ALOX5: variants seen among roughly 807,000 people sequenced by gnomAD.
ALOX5 encodes polyunsaturated fatty acid 5-lipoxygenase.
Under a neutral mutation model 87.9 loss-of-function variants are expected in ALOX5, and 64 were observed. The observed-to-expected ratio is 0.73, with a 90% CI of 0.60 to 0.90. The LOEUF (loss-of-function observed/expected upper bound fraction) is 0.90. ALOX5 is among the 40% of genes least tolerant of loss of function. The pLI is 0.00. For synonymous variants in ALOX5, 388 were observed against 355.1 expected (o/e 1.09, Z -1.04); for missense variants, 822 against 907.5 (o/e 0.91, Z 1.21).
At chr10:45,426,413 G>A (rs572010215) in intron 6 of ALOX5, among the ~76,000 whole-genome samples, 9 of 152,216 alleles carry the variant, frequency 5.9e-5, no homozygotes, top group East Asian at 1.9e-4. Context: ...ACACTGCCCC[G>A]TCTAATACAC....
intron 9 of ALOX5, 43 bp downstream of exon 9, chr10:45,441,473 C>T (rs1005253427): frequency 4.4e-6 from 7 of 1,580,360 alleles, no homozygotes; most frequent in Non-Finnish European, 6.1e-6. Flanking sequence ...AAGAGCCCAG[C>T]CTGGCCGCCT....
chr10:45,435,548 T>G (rs937657413), intron 7 of ALOX5, among the ~76,000 whole-genome samples: 2 of 152,238 alleles, frequency 1.3e-5, no homozygotes, highest in Non-Finnish European at 2.9e-5. Flanking sequence ...GTTAATTCAC[T>G]TAAGATTATG....
At chr10:45,375,835 C>G (rs552867402) in intron 1 of ALOX5, among the ~76,000 whole-genome samples, 1 of 152,210 alleles carries the variant, frequency 6.6e-6, no homozygotes, top group Non-Finnish European at 1.5e-5. Flanking sequence ...TTGCCCCAGT[C>G]GGGGAACTGA....
intron 2 of ALOX5, among the ~76,000 whole-genome samples, chr10:45,393,753 A>C (rs1239054367): frequency 2.0e-5 from 3 of 152,266 alleles, no homozygotes; most frequent in African/African-American, 7.2e-5. Context: ...CAACTTCAGC[A>C]AAGTCTCAGG....
At chr10:45,401,824 C>T (rs1042538630) in intron 3 of ALOX5, among the ~76,000 whole-genome samples, 10 of 152,082 alleles carry the variant, frequency 6.6e-5, no homozygotes, top group Admixed American at 6.5e-4. Context: ...CAAATTTCTC[C>T]TCAAAAATCT....
intron 7 of ALOX5, among the ~76,000 whole-genome samples, chr10:45,437,623 A>G (rs1463589783): frequency 1.3e-5 from 2 of 152,238 alleles, no homozygotes; most frequent in Non-Finnish European, 2.9e-5. Context: ...GGCATGTCCC[A>G]GCTTGCAGCC....
At chr10:45,394,597 G>T (rs371297791) in intron 2 of ALOX5, among the ~76,000 whole-genome samples, 6 of 152,040 alleles carry the variant, frequency 3.9e-5, no homozygotes, top group Non-Finnish European at 5.9e-5. Context: ...AAGCCAAAAT[G>T]GACAAATGGG....
rs1413732278 is a variant in ALOX5, at chr10:45,398,922, G to A, written c.431+2986G>A. Reference sequence around the variant, plus strand: ...TCTGCTAGCTCCTGACTGTTCAACAGAGAGTTACAATATGACAGCATTTCC... The same window carrying A: ...TCTGCTAGCTCCTGACTGTTCAACAAAGAGTTACAATATGACAGCATTTCC... On this transcript the variant is annotated intron_variant, in intron 3 of 13. Transcript: ENST00000374391. 2.6e-5 allele frequency among the ~76,000 whole-genome samples: 4 copies of A among 152,210 alleles called. No individual in the cohort carries two copies. In the South Asian group the frequency reaches 8.3e-4, roughly 31 times the overall value.
chr10:45,442,810 G>T (rs1842279899), intron 9 of ALOX5: 1 of 541,224 alleles, frequency 1.8e-6, no homozygotes. Context: ...GCAGCCCCAC[G>T]GTTCAGTCCC....
At position 45,443,434 on chromosome 10, in the gene ALOX5, A is replaced by C; in HGVS notation, c.1470A>C (p.Val490=). Residue 490 remains valine (V), a synonymous_variant, in exon 11 of 14, where the codon GTA becomes GTC. Coordinates refer to ENST00000374391, the MANE Select transcript of ALOX5 (RefSeq NM_000698.5). ...EAIRTFTAEV[V]DIYYEGDQVV... Reference sequence around the variant, plus strand: ...GAGCCAGGTTCACGGCCGAGGTGGTAGACATCTACTACGAGGGCGACCAGG... The same window carrying C: ...GAGCCAGGTTCACGGCCGAGGTGGTCGACATCTACTACGAGGGCGACCAGG... 1 of 1,608,384 alleles carries C rather than the reference A, an allele frequency of 6.2e-7. No homozygotes were observed. Among genetic ancestry groups the C allele is most frequent in the Non-Finnish European group, 8.5e-7 (1 of 1,177,684 alleles).
intron 2 of ALOX5, among the ~76,000 whole-genome samples, chr10:45,391,583 C>T (rs1483118324): frequency 1.1e-4 from 16 of 151,714 alleles, no homozygotes; most frequent in Admixed American, 1.0e-3. Flanking sequence ...GCCCCTCTGC[C>T]TGGCTGCCCA....
chr10:45,443,995 AGAG>A, intron 12 of ALOX5, 118 bp from the exon 13 acceptor site: 1 of 1,437,232 alleles, frequency 7.0e-7, no homozygotes, highest in Non-Finnish European at 9.3e-7. Context: ...CCGCGGGGAA[AGAG>A]GATGGACGGA....
rs1588998886 is a variant in ALOX5, at chr10:45,395,245, G to T, written c.350-610G>T. Among the ~76,000 whole-genome samples, 5 of 152,222 alleles carry T rather than the reference G, an allele frequency of 3.3e-5. No homozygotes were observed. In the South Asian group the frequency reaches 1.0e-3, roughly 32 times the overall value. The stretch of plus-strand genomic sequence containing the variant: ...TGATAGACTGAATTAAGAAAATGTG[G>T]CACATATACACCATGGAATACTATG... On this transcript the variant is annotated intron_variant, in intron 2 of 13. Transcript: ENST00000374391.
intron 3 of ALOX5, among the ~76,000 whole-genome samples, chr10:45,409,917 A>G (rs1315890881): frequency 6.6e-6 from 1 of 152,270 alleles, no homozygotes; most frequent in East Asian, 1.9e-4. Context: ...TCTTCTAACC[A>G]CACAAGTGGG....
At chr10:45,392,681 G>A (rs1441674094) in intron 2 of ALOX5, among the ~76,000 whole-genome samples, 10 of 149,170 alleles carry the variant, frequency 6.7e-5, no homozygotes, top group African/African-American at 1.0e-4. Context: ...CCCCCTCTGC[G>A]AGAAACACCC....
At chr10:45,428,125 C>T (rs1443876089) in intron 6 of ALOX5, among the ~76,000 whole-genome samples, 1 of 150,060 alleles carries the variant, frequency 6.7e-6, no homozygotes, top group East Asian at 2.0e-4. Context: ...TCCCCTCCCC[C>T]TTCCCCCGCA....
intron 4 of ALOX5, among the ~76,000 whole-genome samples, chr10:45,414,444 G>T (rs1841191313): frequency 6.6e-6 from 1 of 151,784 alleles, no homozygotes; most frequent in Admixed American, 6.6e-5. Flanking sequence ...AATTCAAGAT[G>T]GATTAAATAC....
intron 2 of ALOX5, among the ~76,000 whole-genome samples, chr10:45,388,292 G>T (rs1009242600): frequency 6.6e-6 from 1 of 152,152 alleles, no homozygotes; most frequent in Non-Finnish European, 1.5e-5. Flanking sequence ...AAAGGCAGCA[G>T]AAACCTCTGC....
Position 45,380,950 on chromosome 10 carries a change from A to G in ALOX5, c.151-1533A>G, listed in dbSNP as rs548897619. Reference sequence around the variant, plus strand: ...CAGTGAGACTCCACCTCAAAATAAAAAAGAACATGCCTTGGAGGGCATCGA... The same window carrying G: ...CAGTGAGACTCCACCTCAAAATAAAGAAGAACATGCCTTGGAGGGCATCGA... On this transcript the variant is annotated intron_variant, in intron 1 of 13. Transcript: ENST00000374391. Among the ~76,000 whole-genome samples the G allele has an allele frequency of 3.1e-4, 47 of 152,336 alleles. 1 individual carries two copies. In the South Asian group the frequency reaches 9.3e-3, roughly 30 times the overall value.
Sources: gnomAD v4.1 joint callset for allele counts (sites outside exome capture counted in the v4.1 genomes callset) on GRCh38, gnomAD v4.1.1 for gene constraint, MANE v1.5 for transcripts, NCBI Gene and HGNC (gene_info 2026-07-23, HGNC 2026-07-21) for gene names.